GPM6A: variants seen among roughly 807,000 people sequenced by gnomAD.
The protein encoded by GPM6A is glycoprotein M6A, also known as neuronal membrane glycoprotein M6-a.
GPM6A carries 7 observed loss-of-function variants against 32.1 expected under a neutral mutation model. The observed-to-expected ratio is 0.22, with a 90% CI of 0.12 to 0.41. GPM6A has a LOEUF of 0.41. GPM6A is among the 10% of genes least tolerant of loss of function. The pLI is 1.00. For missense variants in GPM6A, 235 were observed against 347.2 expected (o/e 0.68, Z 2.57); for synonymous variants, 130 against 123.4 (o/e 1.05, Z -0.35).
At chr4:175,636,930 A>C in intron 6 of GPM6A, among the ~76,000 whole-genome samples, 1 of 134,136 alleles carries the variant, frequency 7.5e-6, no homozygotes, top group East Asian at 2.0e-4. Context: ...TCAGTATTTC[A>C]CTCATGCATA....
intron 1 of GPM6A, among the ~76,000 whole-genome samples, chr4:175,982,137 G>A (rs1196673030): frequency 6.6e-6 from 1 of 151,868 alleles, no homozygotes; most frequent in African/African-American, 2.4e-5. Context: ...ATATATTTAG[G>A]ATATCAGTCT....
intron 1 of GPM6A, among the ~76,000 whole-genome samples, chr4:175,948,150 A>AT (rs1486080322): frequency 2.6e-5 from 4 of 152,198 alleles, no homozygotes; most frequent in Admixed American, 6.5e-5. Flanking sequence ...TGTTTTTGTG[A>AT]TTTTTTGCTC....
chr4:175,719,188 T>C (rs890714661), intron 1 of GPM6A, among the ~76,000 whole-genome samples: 2 of 147,006 alleles, frequency 1.4e-5, no homozygotes, highest in African/African-American at 2.5e-5. Flanking sequence ...CATACCGAAA[T>C]TGGGTATAAC....
upstream of GPM6A, chr4:175,812,689 G>T (rs1192846483): frequency 1.0e-6 from 1 of 985,778 alleles, no homozygotes; most frequent in Admixed American, 6.1e-5. Flanking sequence ...TGAACAGATG[G>T]AGGGGTGTCC....
intron 1 of GPM6A, among the ~76,000 whole-genome samples, chr4:175,957,778 A>G (rs1014710010): frequency 3.9e-5 from 6 of 152,248 alleles, no homozygotes; most frequent in Admixed American, 3.3e-4. Flanking sequence ...ATAAAGTTAT[A>G]AAAACATCAT....
intron 4 of GPM6A, among the ~76,000 whole-genome samples, chr4:175,650,290 ATTTATTTATTTATTTATTT>A (rs1741717449): frequency 1.5e-5 from 1 of 65,096 alleles, no homozygotes; most frequent in East Asian, 9.6e-4. Context: ...TTATTTATTT[ATTTATTTATTTATTTATTT>A]ATTTATTTAT....
At chr4:175,841,077 C>G (rs956758405) in intron 1 of GPM6A, among the ~76,000 whole-genome samples, 1 of 152,072 alleles carries the variant, frequency 6.6e-6, no homozygotes, top group African/African-American at 2.4e-5. Flanking sequence ...CAAACAGATC[C>G]TAACCTAATC....
intron 1 of GPM6A, among the ~76,000 whole-genome samples, chr4:175,710,311 T>C (rs997085191): frequency 5.9e-5 from 9 of 152,162 alleles, no homozygotes; most frequent in Non-Finnish European, 1.2e-4. Context: ...TTTTCTCTAA[T>C]AAAAGTATTT....
intron 1 of GPM6A, among the ~76,000 whole-genome samples, chr4:175,883,914 G>T (rs1403465996): frequency 6.6e-6 from 1 of 152,122 alleles, no homozygotes; most frequent in Non-Finnish European, 1.5e-5. Context: ...GCATAATACA[G>T]TTGATTACAA....
At chr4:175,854,636 C>T (rs1170701771) in intron 1 of GPM6A, among the ~76,000 whole-genome samples, 1 of 152,112 alleles carries the variant, frequency 6.6e-6, no homozygotes, top group South Asian at 2.1e-4. Context: ...AATTTCCAGG[C>T]AGTGGTGCAA....
chr4:175,900,501 A>G (rs927409991), intron 1 of GPM6A, among the ~76,000 whole-genome samples: 1 of 151,834 alleles, frequency 6.6e-6, no homozygotes, highest in Admixed American at 6.6e-5. Context: ...AAATGGCAAA[A>G]AAAAAAGCAT....
At chr4:175,637,715 T>TTA (rs1258685401) in intron 6 of GPM6A, among the ~76,000 whole-genome samples, 1 of 64,914 alleles carries the variant, frequency 1.5e-5, no homozygotes, top group Admixed American at 3.1e-4. Flanking sequence ...TTATATATAT[T>TTA]TATATATAAT....
At chr4:175,908,651 G>T (rs903265024) in intron 1 of GPM6A, among the ~76,000 whole-genome samples, 1 of 152,054 alleles carries the variant, frequency 6.6e-6, no homozygotes, top group African/African-American at 2.4e-5. Flanking sequence ...CCAGCAAATA[G>T]AATCTTTATA....
rs181249702 is a variant in GPM6A at position 175,916,574 on chromosome 4, A to G, written c.-23+85735T>C. Among the ~76,000 whole-genome samples the G allele has an allele frequency of 4.2e-3, 639 of 152,274 alleles. 10 individuals are homozygous for G. The highest frequency in any genetic ancestry group is 0.015 in the African/African-American group (613 of 41,556). The stretch of plus-strand genomic sequence containing the variant: ...TTCTTGAGACTAGTGCTAAATTTAT[A>G]TTTTATTTCCTTCATTCTGTATCAC... On this transcript the variant is annotated intron_variant, in intron 1 of 7. Coordinates refer to the GPM6A transcript ENST00000280187.
intron 1 of GPM6A, among the ~76,000 whole-genome samples, chr4:175,772,862 G>T (rs1733246277): frequency 6.6e-6 from 1 of 152,056 alleles, no homozygotes; most frequent in Admixed American, 6.6e-5. Flanking sequence ...GAAATCAAAT[G>T]GAAGCAGGGC....
At chr4:175,900,344 AAAGGAAAAGAAAGGAAAGGAAAAGAAAG>A (rs1418942620) in intron 1 of GPM6A, among the ~76,000 whole-genome samples, 70 of 148,188 alleles carry the variant, frequency 4.7e-4, no homozygotes, top group African/African-American at 1.7e-3. Flanking sequence ...AAAGGAAAGG[AAAGGAAAAGAAAGGAAAGGAAAAGAAAG>A]GAAAGGAAAG....
chr4:175,637,257 A>AT (rs1491429171), intron 6 of GPM6A, among the ~76,000 whole-genome samples: 4 of 74,512 alleles, frequency 5.4e-5, no homozygotes, highest in South Asian at 3.2e-4. Context: ...TATATAATAT[A>AT]AAATATATAT....
intron 1 of GPM6A, among the ~76,000 whole-genome samples, chr4:175,968,479 A>C (rs1222517877): frequency 6.6e-6 from 1 of 152,214 alleles, no homozygotes. Flanking sequence ...TGTAAAGAGA[A>C]TTAAAAGACA....
intron 1 of GPM6A, among the ~76,000 whole-genome samples, chr4:175,881,110 T>C (rs1477958557): frequency 6.6e-6 from 1 of 152,102 alleles, no homozygotes; most frequent in Non-Finnish European, 1.5e-5. Context: ...AAAGAGCTAA[T>C]ATCCAGAATC....
Sources: allele counts gnomAD v4.1 joint callset (sites outside exome capture counted in the v4.1 genomes callset), GRCh38; gene constraint gnomAD v4.1.1; transcripts MANE v1.5; gene names NCBI Gene and HGNC (gene_info 2026-07-23, HGNC 2026-07-21).